FGF12: variants seen among roughly 807,000 people sequenced by gnomAD.
The protein encoded by FGF12 is fibroblast growth factor 12B.
In FGF12, 14 loss-of-function variants were observed where a neutral mutation model predicts 23.6. That is an observed-to-expected ratio of 0.59 (90% CI 0.39 to 0.93). The LOEUF (loss-of-function observed/expected upper bound fraction) is 0.93, where lower values mean the gene tolerates loss of function less well. Among genes scored for constraint, FGF12 ranks in the 40% least tolerant of loss-of-function variants. The pLI, the probability that FGF12 is intolerant of heterozygous loss-of-function variation, is 0.00. For synonymous variants in FGF12, 62 were observed against 77.3 expected, an observed-to-expected ratio of 0.80 and a Z score of 1.04; for missense variants, 175 against 217.8, an observed-to-expected ratio of 0.80 and a Z score of 1.24.
intron 2 of FGF12, among the ~76,000 whole-genome samples, chr3:192,563,198 C>T (rs1283083208): frequency 6.6e-6 from 1 of 152,092 alleles, no homozygotes; most frequent in Non-Finnish European, 1.5e-5. Flanking sequence ...TTAGATCTAT[C>T]CAAGATTAAT....
Position 192,179,370 on chromosome 3 carries a change from A to G in FGF12, c.229-8714T>C, listed in dbSNP as rs144308580. Among the ~76,000 whole-genome samples the G allele has an allele frequency of 3.9e-5, 6 of 152,326 alleles. No homozygotes were observed. In the East Asian group the frequency reaches 1.2e-3, roughly 29 times the overall value. ...TCTGACAAGGAAACAAGGTAAATTT[A>G]TACCATCATAAAATAATGCAACCTG... On this transcript the variant is annotated intron_variant, in intron 4 of 5. Transcript: ENST00000445105.
At chr3:192,583,730 C>T (rs2108616250) in intron 2 of FGF12, among the ~76,000 whole-genome samples, 1 of 152,304 alleles carries the variant, frequency 6.6e-6, no homozygotes, top group Non-Finnish European at 1.5e-5. Flanking sequence ...CTAGGAGAGG[C>T]ATCAGTAACT....
intron 2 of FGF12, among the ~76,000 whole-genome samples, chr3:192,648,630 A>C (rs1332416256): frequency 6.6e-6 from 1 of 152,194 alleles, no homozygotes; most frequent in African/African-American, 2.4e-5. Flanking sequence ...ACATCTCTTA[A>C]GCAAATAATC....
At chr3:192,221,956 C>T (rs1031505815) in intron 4 of FGF12, among the ~76,000 whole-genome samples, 3 of 152,048 alleles carry the variant, frequency 2.0e-5, no homozygotes, top group African/African-American at 7.2e-5. Context: ...AATAGAGAAA[C>T]ATTTGATAGA....
intron 2 of FGF12, among the ~76,000 whole-genome samples, chr3:192,582,799 A>T (rs773895254): frequency 2.0e-5 from 3 of 152,158 alleles, no homozygotes; most frequent in Non-Finnish European, 4.4e-5. Context: ...GCCTGTGCCT[A>T]GCTTCTCAGC....
At chr3:192,308,411 C>A (rs570453644) in intron 4 of FGF12, among the ~76,000 whole-genome samples, 18 of 152,144 alleles carry the variant, frequency 1.2e-4, no homozygotes, top group Non-Finnish European at 2.4e-4. Context: ...GGCACAGTGG[C>A]TCACGCCTGT....
rs574070790 is a variant in FGF12, at chr3:192,369,390, A to T, written c.14-8852T>A. On this transcript the variant is annotated intron_variant, in intron 2 of 5. Transcript: ENST00000445105. ...CAGCAGCCTCCTCCATAAACTGCAC[A>T]GTCTCCAAAGCCCTGAGTTGCCTCA... Among the ~76,000 whole-genome samples, 10 of 152,344 alleles carry T rather than the reference A, an allele frequency of 6.6e-5. No individual in the cohort carries two copies. The East Asian group carries it at 1.5e-3, about 24-fold the overall frequency.
intron 2 of FGF12, among the ~76,000 whole-genome samples, chr3:192,687,164 CAAA>C (rs558366691): frequency 1.1e-4 from 12 of 105,360 alleles, no homozygotes; most frequent in Admixed American, 2.9e-4. Flanking sequence ...TCTCTCACAT[CAAA>C]AAAAAAAAAA....
At chr3:192,541,274 C>A (rs1329883692) in intron 2 of FGF12, among the ~76,000 whole-genome samples, 2 of 151,902 alleles carry the variant, frequency 1.3e-5, no homozygotes, top group Non-Finnish European at 2.9e-5. Flanking sequence ...GTTTCAAGTT[C>A]TTGATTTTTA....
chr3:192,653,608 T>G (rs1223937385), intron 2 of FGF12, among the ~76,000 whole-genome samples: 4 of 152,242 alleles, frequency 2.6e-5, no homozygotes, highest in Non-Finnish European at 4.4e-5. Context: ...CTGTATGTCC[T>G]GTATAAAAAC....
chr3:192,599,612 T>C (rs1714023687), intron 2 of FGF12, among the ~76,000 whole-genome samples: 2 of 151,996 alleles, frequency 1.3e-5, no homozygotes, highest in East Asian at 1.9e-4. Flanking sequence ...AGGATGAGAG[T>C]AATTATAATG....
intron 5 of FGF12, among the ~76,000 whole-genome samples, chr3:192,163,459 A>C (rs961330118): frequency 6.6e-6 from 1 of 152,196 alleles, no homozygotes; most frequent in Admixed American, 6.6e-5. Flanking sequence ...ATTACATTAG[A>C]TTCAGTCCAA....
intron 2 of FGF12, among the ~76,000 whole-genome samples, chr3:192,562,000 C>T (rs546607028): frequency 3.2e-4 from 49 of 151,676 alleles, no homozygotes; most frequent in African/African-American, 1.1e-3. Flanking sequence ...GAAAATAATT[C>T]AAATGTCTAC....
chr3:192,306,170 T>G lies in FGF12; in HGVS notation c.228+29191A>C, dbSNP rs544737567. ...ATATGAAAATTTTAAATTTTAAAAATGTACACAAAAACACACAGTTGGATT... is the reference window on the plus strand; with the variant it reads ...ATATGAAAATTTTAAATTTTAAAAAGGTACACAAAAACACACAGTTGGATT... On this transcript the variant is annotated intron_variant, in intron 4 of 5. Coordinates refer to ENST00000445105, the MANE Select transcript of FGF12 (RefSeq NM_004113.6). 5.3e-5 allele frequency among the ~76,000 whole-genome samples: 8 copies of G among 152,268 alleles called. No individual in the cohort carries two copies. The East Asian group carries it at 1.5e-3, about 29-fold the overall frequency.
intron 4 of FGF12, among the ~76,000 whole-genome samples, chr3:192,287,835 T>A (rs1714539472): frequency 6.6e-6 from 1 of 151,754 alleles, no homozygotes; most frequent in Admixed American, 6.6e-5. Context: ...TATCTTATTT[T>A]CAAAAAAAAG....
chr3:192,707,557 C>T (rs953298775), intron 2 of FGF12, among the ~76,000 whole-genome samples: 1 of 151,826 alleles, frequency 6.6e-6, no homozygotes. Flanking sequence ...ACCATCCTGG[C>T]CAACATGGTG....
chr3:192,228,093 C>A (rs149079690), intron 4 of FGF12, among the ~76,000 whole-genome samples: 1 of 151,412 alleles, frequency 6.6e-6, no homozygotes, highest in African/African-American at 2.4e-5. Context: ...ACCATGGTGA[C>A]GATAGTTAAC....
intron 4 of FGF12, among the ~76,000 whole-genome samples, chr3:192,300,492 G>C (rs960584004): frequency 6.6e-6 from 1 of 152,050 alleles, no homozygotes; most frequent in Non-Finnish European, 1.5e-5. Flanking sequence ...CCTGGGGCCA[G>C]GTCCTGGGGG....
chr3:192,190,893 T>TATCACGTATGTGCA (rs1327909995), intron 4 of FGF12, among the ~76,000 whole-genome samples: 1 of 152,230 alleles, frequency 6.6e-6, no homozygotes, highest in African/African-American at 2.4e-5. Flanking sequence ...AATTATAAAG[T>TATCACGTATGTGCA]ATCACGTATG....
Sources: allele counts gnomAD v4.1 joint callset (sites outside exome capture counted in the v4.1 genomes callset), GRCh38; gene constraint gnomAD v4.1.1; transcripts MANE v1.5; gene names NCBI Gene and HGNC (gene_info 2026-07-23, HGNC 2026-07-21).